Variants in NINL observed in about 807,000 individuals in gnomAD.
NINL encodes ninein like.
In NINL, 153 loss-of-function variants were observed where a neutral mutation model predicts 160.3. The ratio of observed to expected loss-of-function variants is 0.95; its 90% CI spans 0.84 to 1.09. The LOEUF (loss-of-function observed/expected upper bound fraction) is 1.09. Among genes scored for constraint, NINL ranks in the 50% least tolerant of loss-of-function variants. NINL has a pLI of 0.00. For synonymous variants in NINL, 800 were observed against 734.8 expected (o/e 1.09, Z -1.43); for missense variants, 1,829 against 1,764.0 (o/e 1.04, Z -0.66).
At position 25,476,464 on chromosome 20, in the gene NINL, G is replaced by A; in HGVS notation, c.2827C>T (p.Leu943=). The A allele has an allele frequency of 6.2e-6, 10 of 1,607,398 alleles. No homozygotes were observed. Among genetic ancestry groups the A allele is most frequent in the Non-Finnish European group, 8.5e-6 (10 of 1,179,864 alleles). Residue 943 remains leucine (L), a synonymous_variant, in exon 17 of 24, where the codon CTG becomes TTG. Coordinates refer to ENST00000278886, the MANE Select transcript of NINL (RefSeq NM_025176.6). The part of the protein sequence containing the change: ...LEQPGARELP[L]LGTERDASQT... ...GAGGCGTCTCTCTCTGTTCCCAGCAGAGGCAGCTCCCGGGCTCCAGGCTGC... is the reference window on the plus strand; with the variant it reads ...GAGGCGTCTCTCTCTGTTCCCAGCAAAGGCAGCTCCCGGGCTCCAGGCTGC...
intron 1 of NINL, among the ~76,000 whole-genome samples, chr20:25,537,891 A>G (rs1448035784): frequency 6.7e-6 from 1 of 150,130 alleles, no homozygotes; most frequent in South Asian, 2.1e-4. Flanking sequence ...CTGCACACCT[A>G]TACTTGCAGC....
chr20:25,472,929 T>G (rs1291228724), intron 17 of NINL, among the ~76,000 whole-genome samples: 2 of 152,204 alleles, frequency 1.3e-5, no homozygotes, highest in African/African-American at 2.4e-5. Context: ...GAACGTTCAG[T>G]GCAGTTCCAT....
intron 5 of NINL, among the ~76,000 whole-genome samples, chr20:25,505,343 G>A (rs1435067312): frequency 6.7e-6 from 1 of 148,650 alleles, no homozygotes; most frequent in South Asian, 2.2e-4. Flanking sequence ...GGTTGGGGGG[G>A]GGTCACTTTC....
rs2090578230 is a variant in NINL at position 25,453,352 on chromosome 20, T to C, written c.*99A>G. On this transcript the variant is annotated 3_prime_UTR_variant, in exon 24 of 24. Coordinates refer to ENST00000278886, the MANE Select transcript of NINL (RefSeq NM_025176.6). ...AACAAAGAATCCCAATCCTCAGATG[T>C]CCCAGGACTCATGGCTCATGACCCA... 1.9e-6 allele frequency: 2 copies of C among 1,059,320 alleles called. No homozygotes were observed. The highest frequency in any genetic ancestry group is 2.4e-5 in the East Asian group (1 of 41,156). The allele number at this position is 1,059,320 out of a possible 1,614,324, so 65.6% of individuals were successfully genotyped here. A position where few individuals can be genotyped will look rare whatever the true frequency, so the allele number is the denominator to read the frequency against.
chr20:25,539,654 G>A (rs1313928336), intron 1 of NINL, among the ~76,000 whole-genome samples: 4 of 152,096 alleles, frequency 2.6e-5, no homozygotes, highest in Non-Finnish European at 1.5e-5. Context: ...GCTGCAAATC[G>A]GCCTTCCCCT....
intron 1 of NINL, among the ~76,000 whole-genome samples, chr20:25,561,330 A>C (rs77277970): frequency 3.9e-5 from 6 of 152,080 alleles, no homozygotes; most frequent in Admixed American, 2.0e-4. Flanking sequence ...GAGTCTCGTT[A>C]ACTCAGTGCT....
chr20:25,476,136 T>A lies in NINL; in HGVS notation c.3155A>T (p.Glu1052Val). 6.2e-7 allele frequency: 1 copy of A among 1,614,208 alleles called. No individual in the cohort carries two copies. The highest frequency in any genetic ancestry group is 8.5e-7 in the Non-Finnish European group (1 of 1,180,044). The change falls in exon 17 of 24, where the codon GAG becomes GTG. Residue 1052 changes from glutamate to valine, a missense_variant. Transcript: ENST00000278886. ...GGTTTCCATGTCATCCTTCTCTCTCTCCAGCGCTATTTTGGTCTCCCCCTC... is the reference window on the plus strand; with the variant it reads ...GGTTTCCATGTCATCCTTCTCTCTCACCAGCGCTATTTTGGTCTCCCCCTC... The part of the protein sequence containing the change: ...PEEGETKIAL[E>V]REKDDMETKL...
At chr20:25,513,059 C>A in intron 3 of NINL, 53 bp from the exon 4 acceptor site, 1 of 1,545,742 alleles carries the variant, frequency 6.5e-7, no homozygotes. Flanking sequence ...GTTCTGGGCC[C>A]ATGCAGGCCA....
chr20:25,453,622 G>A lies in NINL; in HGVS notation c.3978C>T (p.Ser1326=), dbSNP rs779464685. The A allele has an allele frequency of 8.7e-6, 14 of 1,607,160 alleles. No homozygotes were observed. Among genetic ancestry groups the A allele is most frequent in the South Asian group, 4.4e-5 (4 of 90,070 alleles). The change falls in exon 24 of 24, where the codon TCC becomes TCT. Residue 1326 remains serine (S), a synonymous_variant. Transcript: ENST00000278886. The part of the protein sequence containing the change: ...LKEQFEKNTK[S]DLLLKELYVE... ...CGTACAGCTCCTTCAGCAGCAGGTC[G>A]GACTTCGTGTTCTTTTCAAACTAGA...
rs778184280 is a variant in NINL at position 25,496,725 on chromosome 20, C to A, written c.1248G>T (p.Glu416Asp). 6.2e-7 allele frequency: 1 copy of A among 1,614,094 alleles called. No individual in the cohort carries two copies. Among genetic ancestry groups the A allele is most frequent in the South Asian group, 1.1e-5 (1 of 91,082 alleles). Residue 416 changes from glutamate to aspartate, a missense_variant, in exon 10 of 24, where the codon GAG becomes GAT. Physicochemically the swap from Glu to Asp is conservative, Grantham distance 45 (BLOSUM62 2). Transcript: ENST00000278886. ...GGCAGTCGTCCATCTCTTTCACAAA[C>A]TCCAGGTTCCTCTTCTCGGCCCTCT... ...DLERAEKRNL[E>D]FVKEMDDCHS...
chr20:25,463,862 C>T (rs1202207780), intron 19 of NINL, among the ~76,000 whole-genome samples: 1 of 152,220 alleles, frequency 6.6e-6, no homozygotes, highest in Admixed American at 6.5e-5. Flanking sequence ...TTAACCTCAC[C>T]TCATCCCTTC....
intron 1 of NINL, among the ~76,000 whole-genome samples, chr20:25,546,162 G>A (rs1296375885): frequency 6.6e-6 from 1 of 152,000 alleles, no homozygotes; most frequent in Non-Finnish European, 1.5e-5. Flanking sequence ...CCCAGGCCAC[G>A]GTCAATCATA....
chr20:25,567,933 C>G (rs2065013153), intron 1 of NINL, among the ~76,000 whole-genome samples: 1 of 151,654 alleles, frequency 6.6e-6, no homozygotes, highest in African/African-American at 2.4e-5. Flanking sequence ...ACAGCTAAAG[C>G]AGTTCTCAGA....
chr20:25,539,539 G>A (rs546503829), intron 1 of NINL, among the ~76,000 whole-genome samples: 9 of 152,286 alleles, frequency 5.9e-5, no homozygotes, highest in Middle Eastern at 3.4e-3. Flanking sequence ...CTCACTACAC[G>A]CTGTAATACT....
At chr20:25,500,791 C>T (rs548938644) in intron 8 of NINL, 49 bp downstream of exon 8, 48 of 1,581,352 alleles carry the variant, frequency 3.0e-5, no homozygotes, top group African/African-American at 4.0e-5. Context: ...CTGCAGCAGA[C>T]GGGCCCCCCA....
chr20:25,470,122 T>G, intron 17 of NINL, 27 bp from the exon 18 acceptor site: 3 of 1,584,820 alleles, frequency 1.9e-6, no homozygotes, highest in Non-Finnish European at 2.6e-6. Flanking sequence ...AAAAGACCGG[T>G]GAGCACTTGG....
rs575362388 is a variant in NINL, at chr20:25,491,253, T to C, written c.1485+98A>G. On this transcript the variant is annotated intron_variant, in intron 11 of 23. Coordinates refer to ENST00000278886, the MANE Select transcript of NINL (RefSeq NM_025176.6). ...CCCTGAAACATAAGCTTGAGGGCAC[T>C]GGCAGGTGTGGATCTGGATCCTCAA... 1.6e-5 allele frequency: 22 copies of C among 1,398,242 alleles called. No individual in the cohort carries two copies. In the East Asian group the frequency reaches 4.0e-4, roughly 25 times the overall value. 86.6% of individuals were successfully genotyped at this position (1,398,242 alleles called of 1,614,324 possible).
intron 23 of NINL, among the ~76,000 whole-genome samples, chr20:25,455,153 G>A (rs1379419768): frequency 6.6e-6 from 1 of 152,130 alleles, no homozygotes; most frequent in Non-Finnish European, 1.5e-5. Flanking sequence ...AATGCCACCT[G>A]GCCTCTGCTG....
intron 13 of NINL, among the ~76,000 whole-genome samples, chr20:25,487,516 C>T (rs2063527607): frequency 6.6e-6 from 1 of 152,174 alleles, no homozygotes; most frequent in Non-Finnish European, 1.5e-5. Context: ...GGTTCAGTGT[C>T]TATTGTTACA....
Sources: gnomAD v4.1 joint callset for allele counts (sites outside exome capture counted in the v4.1 genomes callset) on GRCh38, gnomAD v4.1.1 for gene constraint, MANE v1.5 for transcripts, NCBI Gene and HGNC (gene_info 2026-07-23, HGNC 2026-07-21) for gene names.